Variants in SYBU observed in about 807,000 individuals in gnomAD.
The protein encoded by SYBU is GOLSYN A protein.
Under a neutral mutation model 35.9 loss-of-function variants are expected in SYBU, and 21 were observed. The observed-to-expected ratio is 0.58, with a 90% CI of 0.41 to 0.84. The LOEUF (loss-of-function observed/expected upper bound fraction) is 0.84. SYBU is among the 40% of genes least tolerant of loss of function. The pLI, the probability that SYBU is intolerant of heterozygous loss-of-function variation, is 0.00. For synonymous variants in SYBU, 319 were observed against 324.3 expected (o/e 0.98, Z 0.18); for missense variants, 768 against 848.2 (o/e 0.91, Z 1.17).
Position 109,630,120 on chromosome 8 carries a change from G to A in SYBU, c.230-11081C>T, listed in dbSNP as rs538219088. ...AAAAAATGATGAGTTCATGTCCTTTGTAGGGACATGGATGAAATTGGAAAT... is the reference window on the plus strand; with the variant it reads ...AAAAAATGATGAGTTCATGTCCTTTATAGGGACATGGATGAAATTGGAAAT... On this transcript the variant is annotated intron_variant, in intron 2 of 6. Coordinates refer to ENST00000276646, the MANE Select transcript of SYBU (RefSeq NM_001099754.2). 4.5e-4 allele frequency among the ~76,000 whole-genome samples: 69 copies of A among 151,880 alleles called. 1 individual carries two copies. The highest frequency in any genetic ancestry group is 4.5e-3 in the Admixed American group (68 of 15,268).
intron 1 of SYBU, among the ~76,000 whole-genome samples, chr8:109,689,111 A>C (rs1421495640): frequency 6.6e-6 from 1 of 152,176 alleles, no homozygotes; most frequent in South Asian, 2.1e-4. Context: ...TTGGAATTTG[A>C]TGTACTTACA....
At chr8:109,649,700 T>C (rs1248209090), upstream of SYBU, among the ~76,000 whole-genome samples, 1 of 152,190 alleles carries the variant, frequency 6.6e-6, no homozygotes, top group Admixed American at 6.5e-5. Context: ...CTTTGGTTCA[T>C]CTTTGAAAAT....
At position 109,574,753 on chromosome 8, in the gene SYBU, A is replaced by T. The variant is rs2131156293; in HGVS notation, c.*153T>A. 1 of 785,840 alleles carries T rather than the reference A, an allele frequency of 1.3e-6. No individual in the cohort carries two copies. Among genetic ancestry groups the T allele is most frequent in the East Asian group, 2.8e-5 (1 of 35,780 alleles). 48.7% of individuals were successfully genotyped at this position (785,840 alleles called of 1,614,324 possible). On this transcript the variant is annotated 3_prime_UTR_variant, in exon 7 of 7. Coordinates refer to ENST00000276646, the MANE Select transcript of SYBU (RefSeq NM_001099754.2). ...GCCTTTGAAGATACCTCCGGTTTTA[A>T]ACAGTGAACAGGCTTCAACTAAATA...
At chr8:109,685,194 G>T (rs34974596), upstream of SYBU, among the ~76,000 whole-genome samples, 13,481 of 152,184 alleles carry the variant, frequency 0.089, 678 homozygotes, top group East Asian at 0.12. Flanking sequence ...AAGTGAAGTG[G>T]CATGTGTAAA....
At chr8:109,642,631 T>C (rs1244022323) in intron 2 of SYBU, 97 bp downstream of exon 2, 3 of 688,284 alleles carry the variant, frequency 4.4e-6, no homozygotes, top group South Asian at 3.9e-5. Context: ...AGTAGAAGTG[T>C]AGTTCTAGGC....
chr8:109,641,430 G>C (rs1404784996), intron 2 of SYBU, among the ~76,000 whole-genome samples: 2 of 152,206 alleles, frequency 1.3e-5, no homozygotes, highest in African/African-American at 4.8e-5. Context: ...CACTCTACAA[G>C]GCAAGTATTA....
rs200868794 is a variant in SYBU at position 109,574,159 on chromosome 8, T to TA, written c.*746dup. 40 of 152,368 alleles carry TA rather than the reference T, an allele frequency of 2.6e-4. 1 individual carries two copies. The East Asian group carries it at 7.7e-3, about 29-fold the overall frequency. The allele number at this position is 152,368 out of a possible 1,614,324, so 9.4% of individuals were successfully genotyped here. A position where few individuals can be genotyped will look rare whatever the true frequency, so the allele number is the denominator to read the frequency against. ...TCATTGTCTTTCTTATACATAGAAG[T>TA]AAAATCACAGAAATAATTATTATTT... On this transcript the variant is annotated 3_prime_UTR_variant, in exon 7 of 7. Coordinates refer to ENST00000276646, the MANE Select transcript of SYBU (RefSeq NM_001099754.2).
chr8:109,687,679 C>A (rs1410525524), intron 1 of SYBU, among the ~76,000 whole-genome samples: 1 of 151,990 alleles, frequency 6.6e-6, no homozygotes, highest in African/African-American at 2.4e-5. Flanking sequence ...TTACTTGGAC[C>A]AAGTCTAGAT....
At position 109,577,248 on chromosome 8, in the gene SYBU, G is replaced by A. The variant is rs116780647; in HGVS notation, c.884+620C>T. ...TGAGCTCACAGCTACCCTGGTCAGA[G>A]CTTTCCTGGTCTGTTCCAAAATGTT... On this transcript the variant is annotated intron_variant, in intron 6 of 6. Transcript: ENST00000276646. Among the ~76,000 whole-genome samples, 945 of 152,230 alleles carry A rather than the reference G, an allele frequency of 6.2e-3. 7 individuals carry two copies. The highest frequency in any genetic ancestry group is 0.021 in the African/African-American group (862 of 41,532).
chr8:109,661,785 T>C (rs1208074209), intron 1 of SYBU, among the ~76,000 whole-genome samples: 2 of 152,170 alleles, frequency 1.3e-5, no homozygotes, highest in Non-Finnish European at 2.9e-5. Flanking sequence ...TCAAAGAAGT[T>C]GGTAGAGCAC....
At chr8:109,650,104 T>C (rs79414498) in intron 1 of SYBU, among the ~76,000 whole-genome samples, 2,957 of 152,170 alleles carry the variant, frequency 0.019, 103 homozygotes, top group African/African-American at 0.065. Flanking sequence ...AGGGCAGCTA[T>C]AGAGAGAGGA....
chr8:109,575,539 A>C lies in SYBU; in HGVS notation c.1359T>G (p.Ser453=), dbSNP rs1236569583. ...DEIVTATTTE[S]GDLELVHSTP... Reference sequence around the variant, plus strand: ...TGGAATGCACAAGCTCCAGGTCACCAGATTCTGTGGTGGTGGCTGTCACTA... The same window carrying C: ...TGGAATGCACAAGCTCCAGGTCACCCGATTCTGTGGTGGTGGCTGTCACTA... The change falls in exon 7 of 7, where the codon TCT becomes TCG. Residue 453 remains serine, a synonymous_variant. Coordinates refer to ENST00000276646, the MANE Select transcript of SYBU (RefSeq NM_001099754.2). 1.2e-6 allele frequency: 2 copies of C among 1,614,022 alleles called. No individual in the cohort carries two copies. The highest frequency in any genetic ancestry group is 1.7e-6 in the Non-Finnish European group (2 of 1,180,030).
intron 2 of SYBU, among the ~76,000 whole-genome samples, chr8:109,638,665 T>C (rs1304415682): frequency 1.3e-5 from 2 of 152,218 alleles, no homozygotes; most frequent in African/African-American, 4.8e-5. Context: ...TGTACAATGT[T>C]CTACTTGCTG....
intron 1 of SYBU, among the ~76,000 whole-genome samples, chr8:109,690,288 A>G (rs1189767224): frequency 6.6e-6 from 1 of 152,212 alleles, no homozygotes; most frequent in African/African-American, 2.4e-5. Flanking sequence ...GTACAAGTGG[A>G]GAAAACTTGG....
In SYBU at chr8:109,691,361, G is replaced by C. The variant is rs1001104675; in HGVS notation, c.-86C>G. 4.3e-6 allele frequency: 3 copies of C among 701,632 alleles called. No individual in the cohort carries two copies. The African/African-American group carries it at 5.3e-5, about 12-fold the overall frequency. The allele number at this position is 701,632 out of a possible 1,614,324, so 43.5% of individuals were successfully genotyped here. On this transcript the variant is annotated 5_prime_UTR_variant, in exon 1 of 8. Transcript: ENST00000422135. The surrounding 1 kb of genome is among the most constrained non-coding windows in gnomAD (Gnocchi z 4.7). ...TTCTCGCCCAGAAGGGCCCCATCGC[G>C]CTGTCCAGGAGGAGGCACCTACGTG...
intron 1 of SYBU, among the ~76,000 whole-genome samples, chr8:109,689,021 T>G (rs1443301718): frequency 6.6e-6 from 1 of 152,172 alleles, no homozygotes; most frequent in African/African-American, 2.4e-5. Context: ...CATAACTATT[T>G]TAAGTATGTA....
upstream of SYBU, among the ~76,000 whole-genome samples, chr8:109,649,131 T>C (rs867189155): frequency 1.5e-4 from 22 of 150,240 alleles, no homozygotes; most frequent in African/African-American, 4.9e-4. Context: ...GCCTCCTGAG[T>C]AGCTGGGACT....
chr8:109,620,065 T>C (rs1239502033), intron 2 of SYBU, among the ~76,000 whole-genome samples: 2 of 152,224 alleles, frequency 1.3e-5, no homozygotes, highest in Non-Finnish European at 2.9e-5. Context: ...TACTGCTGAC[T>C]CCTATAAATG....
intron 3 of SYBU, among the ~76,000 whole-genome samples, chr8:109,591,513 T>C (rs2129836518): frequency 1.4e-5 from 2 of 138,502 alleles, no homozygotes; most frequent in South Asian, 4.9e-4. Context: ...TAAATTTTTT[T>C]TTTTTTTTTT....
Sources: allele counts gnomAD v4.1 joint callset (sites outside exome capture counted in the v4.1 genomes callset), GRCh38; gene constraint gnomAD v4.1.1; non-coding constraint Gnocchi (gnomAD v3.1); transcripts MANE v1.5; gene names NCBI Gene and HGNC (gene_info 2026-07-23, HGNC 2026-07-21).